FOXP2: variants seen among roughly 807,000 people sequenced by gnomAD.
FOXP2 encodes forkhead box P2.
A neutral mutation model predicts 115.8 loss-of-function variants in FOXP2; 12 were observed. The ratio of observed to expected loss-of-function variants is 0.10; its 90% CI spans 0.07 to 0.17. The LOEUF is 0.17. Among genes scored for constraint, FOXP2 ranks in the 10% least tolerant of loss-of-function variants. The pLI, the probability that FOXP2 is intolerant of heterozygous loss-of-function variation, is 1.00. For missense variants in FOXP2, 629 were observed against 843.5 expected (o/e 0.75, Z 3.15); for synonymous variants, 328 against 297.7 (o/e 1.10, Z -1.05).
At chr7:114,569,145 T>G (rs1017767894) in intron 3 of FOXP2, among the ~76,000 whole-genome samples, 2 of 151,964 alleles carry the variant, frequency 1.3e-5, no homozygotes, top group African/African-American at 4.8e-5. Flanking sequence ...TGTTATGGTA[T>G]GGAATAGCAT....
chr7:114,606,232 T>A (rs759719841), intron 3 of FOXP2, among the ~76,000 whole-genome samples: 2 of 152,160 alleles, frequency 1.3e-5, no homozygotes, highest in African/African-American at 2.4e-5. Flanking sequence ...GTTTCACAGA[T>A]TCAGAATCAA....
chr7:114,245,346 TAGA>T (rs1795255169), intron 1 of FOXP2, among the ~76,000 whole-genome samples: 1 of 152,148 alleles, frequency 6.6e-6, no homozygotes, highest in Admixed American at 6.5e-5. Context: ...ATGAGAAAAA[TAGA>T]AGATGAATGC....
intron 1 of FOXP2, among the ~76,000 whole-genome samples, chr7:114,181,899 T>C (rs1217495614): frequency 6.6e-6 from 1 of 152,112 alleles, no homozygotes; most frequent in Non-Finnish European, 1.5e-5. Flanking sequence ...TTAACCTTGC[T>C]TTGTAATATC....
intron 1 of FOXP2, among the ~76,000 whole-genome samples, chr7:114,091,335 C>A (rs548093115): frequency 6.6e-6 from 1 of 151,780 alleles, no homozygotes; most frequent in South Asian, 2.1e-4. Context: ...CGTTGCAACA[C>A]TTTTAGTATT....
chr7:114,683,976 C>T (rs1585026505), intron 16 of FOXP2, among the ~76,000 whole-genome samples: 1 of 152,072 alleles, frequency 6.6e-6, no homozygotes, highest in East Asian at 1.9e-4. Context: ...AAATAAAGTT[C>T]TTGCATATTA....
Position 114,277,010 on chromosome 7 carries a change from A to G in FOXP2, c.-101-11009A>G, listed in dbSNP as rs530200484. 5.8e-4 allele frequency among the ~76,000 whole-genome samples: 89 copies of G among 152,276 alleles called. 1 individual carries two copies. The highest frequency in any genetic ancestry group is 2.5e-3 in the Admixed American group (38 of 15,296). On this transcript the variant is annotated intron_variant, in intron 1 of 17. Transcript: ENST00000634411. ...AATTAATGTCTGAAATGGTATATAC[A>G]GCATTAAGATTGCCTAAAGAGATCA...
chr7:114,108,184 G>A (rs1791172296), intron 1 of FOXP2, among the ~76,000 whole-genome samples: 1 of 151,798 alleles, frequency 6.6e-6, no homozygotes, highest in Non-Finnish European at 1.5e-5. Flanking sequence ...TGTATTTTGA[G>A]GACACATCCA....
At chr7:114,569,661 A>G (rs1801194579) in intron 3 of FOXP2, among the ~76,000 whole-genome samples, 2 of 151,898 alleles carry the variant, frequency 1.3e-5, no homozygotes, top group South Asian at 4.1e-4. Flanking sequence ...CCCAGTCTTC[A>G]TCTGCTAGCA....
chr7:114,549,166 T>C (rs1245810978), intron 3 of FOXP2, among the ~76,000 whole-genome samples: 2 of 152,190 alleles, frequency 1.3e-5, no homozygotes, highest in Non-Finnish European at 2.9e-5. Context: ...TACTGCTGTG[T>C]TCTACGATCC....
At chr7:114,141,193 A>C (rs1792197947) in intron 1 of FOXP2, among the ~76,000 whole-genome samples, 1 of 152,204 alleles carries the variant, frequency 6.6e-6, no homozygotes, top group Non-Finnish European at 1.5e-5. Context: ...AGAGACAATA[A>C]GGCAATGAGA....
intron 3 of FOXP2, among the ~76,000 whole-genome samples, chr7:114,619,857 T>C (rs767664960): frequency 6.6e-5 from 10 of 152,060 alleles, no homozygotes; most frequent in South Asian, 2.1e-4. Context: ...AAAAATGATA[T>C]CACCAAATCA....
chr7:114,383,276 A>G (rs1333576390), intron 2 of FOXP2, among the ~76,000 whole-genome samples: 1 of 152,216 alleles, frequency 6.6e-6, no homozygotes, highest in Non-Finnish European at 1.5e-5. Context: ...AGTCTGAAAG[A>G]GAAAAAGGTA....
chr7:114,272,641 G>T (rs1336196469), intron 1 of FOXP2, among the ~76,000 whole-genome samples: 2 of 151,694 alleles, frequency 1.3e-5, no homozygotes, highest in East Asian at 1.9e-4. Context: ...ATCCATTAGG[G>T]TATTAAATTT....
intron 1 of FOXP2, among the ~76,000 whole-genome samples, chr7:114,253,655 C>T (rs1795515797): frequency 6.6e-6 from 1 of 152,178 alleles, no homozygotes. Flanking sequence ...GTAGATCTTC[C>T]TCCATCCCTT....
At chr7:114,446,454 A>T (rs949669679) in intron 2 of FOXP2, among the ~76,000 whole-genome samples, 14 of 152,028 alleles carry the variant, frequency 9.2e-5, no homozygotes, top group Admixed American at 2.6e-4. Flanking sequence ...TGGAGCTAAT[A>T]ATCTATTAAT....
At chr7:114,444,646 G>A (rs968865637) in intron 2 of FOXP2, among the ~76,000 whole-genome samples, 1 of 148,722 alleles carries the variant, frequency 6.7e-6, no homozygotes, top group Admixed American at 6.8e-5. Context: ...TATACTAACA[G>A]CATGTATAAG....
chr7:114,453,891 A>G (rs1402560985), intron 2 of FOXP2, among the ~76,000 whole-genome samples: 9 of 152,018 alleles, frequency 5.9e-5, no homozygotes, highest in African/African-American at 2.2e-4. Context: ...AGATTTAAAC[A>G]TTAGACCTAA....
chr7:114,689,916 A>T lies in FOXP2; in HGVS notation c.2138A>T (p.Asp713Val). 6.2e-7 allele frequency: 1 copy of T among 1,613,214 alleles called. No homozygotes were observed. Among genetic ancestry groups the T allele is most frequent in the East Asian group, 2.2e-5 (1 of 44,852 alleles). Reference sequence around the variant, plus strand: ...ATTGAAGAAGAGCCTTTATCTGAAGATCTGGAATGAGAACTGACTTGTGAA... The same window carrying T: ...ATTGAAGAAGAGCCTTTATCTGAAGTTCTGGAATGAGAACTGACTTGTGAA... ...REIEEEPLSE[D>V]LE Residue 713 changes from aspartate (D) to valine (V), a missense_variant, in exon 17 of 17, where the codon GAT becomes GTT. By Grantham distance (152) the Asp-to-Val change is radical. This residue lies in a region of FOXP2 where 117 missense variants were observed against 112.3 expected (regional missense o/e 1.04). Coordinates refer to ENST00000350908, the MANE Select transcript of FOXP2 (RefSeq NM_014491.4).
intron 1 of FOXP2, among the ~76,000 whole-genome samples, chr7:114,224,260 C>CT (rs2129164590): frequency 6.6e-6 from 1 of 151,962 alleles, no homozygotes; most frequent in African/African-American, 2.4e-5. Context: ...AAGGCTGTTG[C>CT]TTTTTTATAT....
Sources: allele counts gnomAD v4.1 joint callset (sites outside exome capture counted in the v4.1 genomes callset), GRCh38; gene constraint gnomAD v4.1.1; regional missense constraint gnomAD v4.1.1; transcripts MANE v1.5; gene names NCBI Gene and HGNC (gene_info 2026-07-23, HGNC 2026-07-21).